The following SCHIP1 variants were observed in gnomAD, a reference collection of about 807,000 sequenced individuals.
The protein encoded by SCHIP1 is schwannomin interacting protein 1, also known as schwannomin-interacting protein 1.
Under a neutral mutation model 29.7 loss-of-function variants are expected in SCHIP1, and 8 were observed. The observed-to-expected ratio is 0.27, with a 90% CI of 0.16 to 0.49. The LOEUF (loss-of-function observed/expected upper bound fraction) is 0.49, where lower values mean the gene tolerates loss of function less well. Among genes scored for constraint, SCHIP1 ranks in the 20% least tolerant of loss-of-function variants. The probability of loss-of-function intolerance (pLI) is 0.99; values close to 1 mark genes in which losing one functional copy is unlikely to be tolerated. For missense variants in SCHIP1, 193 were observed against 294.6 expected (o/e 0.66, Z 2.52); for synonymous variants, 76 against 94.9 (o/e 0.80, Z 1.16).
chr3:159,707,717 C>T, the SCHIP1 span, among the ~76,000 whole-genome samples: 1 of 152,094 alleles, frequency 6.6e-6, no homozygotes. Flanking sequence ...ATTACTCTTG[C>T]CTAGATCAGG....
At chr3:159,275,087 G>A in the SCHIP1 span, 1 of 971,572 alleles carries the variant, frequency 1.0e-6, no homozygotes, top group Non-Finnish European at 1.2e-6. Context: ...AATTTTAGAG[G>A]ATGTAACAAT....
At chr3:159,644,306 T>C in the SCHIP1 span, among the ~76,000 whole-genome samples, 2 of 152,164 alleles carry the variant, frequency 1.3e-5, no homozygotes, top group African/African-American at 4.8e-5. Flanking sequence ...TTAAATTTCA[T>C]TTTGCTTGCT....
At chr3:159,645,935 C>T in the SCHIP1 span, among the ~76,000 whole-genome samples, 1 of 152,100 alleles carries the variant, frequency 6.6e-6, no homozygotes, top group African/African-American at 2.4e-5. Context: ...TTTAAAGATT[C>T]TGTGGAATAT....
At chr3:159,708,024 A>ATCTC in the SCHIP1 span, among the ~76,000 whole-genome samples, 2 of 151,884 alleles carry the variant, frequency 1.3e-5, no homozygotes, top group South Asian at 4.2e-4. Flanking sequence ...TCTTCAAAAT[A>ATCTC]TCTCTGTCTC....
the SCHIP1 span, among the ~76,000 whole-genome samples, chr3:159,718,295 G>A: frequency 6.6e-6 from 1 of 152,078 alleles, no homozygotes; most frequent in East Asian, 1.9e-4. Context: ...GGTAAAAACT[G>A]GAAGCATTCC....
chr3:159,507,761 G>T, the SCHIP1 span, among the ~76,000 whole-genome samples: 10 of 152,148 alleles, frequency 6.6e-5, no homozygotes, highest in Admixed American at 1.3e-4. Context: ...TTATATGCTG[G>T]ATTACGTTTA....
the SCHIP1 span, among the ~76,000 whole-genome samples, chr3:159,649,377 A>G: frequency 2.7e-4 from 41 of 152,338 alleles, no homozygotes; most frequent in Admixed American, 7.8e-4. Flanking sequence ...CAAATTTATA[A>G]TAAACAATGA....
the SCHIP1 span, among the ~76,000 whole-genome samples, chr3:159,356,382 A>G: frequency 4.6e-5 from 7 of 152,166 alleles, no homozygotes; most frequent in Admixed American, 4.6e-4. Context: ...GAGACCATAT[A>G]TTTCCTCAGA....
At chr3:159,373,849 C>T in the SCHIP1 span, among the ~76,000 whole-genome samples, 1 of 152,122 alleles carries the variant, frequency 6.6e-6, no homozygotes, top group Non-Finnish European at 1.5e-5. Context: ...AGGTTGACTT[C>T]ATAACTTGGC....
the SCHIP1 span, among the ~76,000 whole-genome samples, chr3:159,417,372 C>T: frequency 1.5e-3 from 227 of 152,158 alleles, no homozygotes; most frequent in African/African-American, 5.1e-3. Context: ...TCTGATACAC[C>T]GATAGAAAAG....
the SCHIP1 span, among the ~76,000 whole-genome samples, chr3:159,491,098 G>C: frequency 6.6e-6 from 1 of 152,126 alleles, no homozygotes; most frequent in African/African-American, 2.4e-5. Context: ...AGCTTCAGCT[G>C]CCACACATTC....
chr3:159,790,099 A>G, the SCHIP1 span, among the ~76,000 whole-genome samples: 2 of 152,226 alleles, frequency 1.3e-5, no homozygotes, highest in African/African-American at 2.4e-5. Flanking sequence ...GACAGGGGCA[A>G]CTTTGGAGGA....
intron 1 of SCHIP1, among the ~76,000 whole-genome samples, chr3:159,843,410 C>A (rs1011342611): frequency 6.6e-6 from 1 of 152,146 alleles, no homozygotes; most frequent in South Asian, 2.1e-4. Context: ...GGCTCCCTCA[C>A]TCACTTCATG....
chr3:159,413,994 C>T, the SCHIP1 span, among the ~76,000 whole-genome samples: 2 of 152,166 alleles, frequency 1.3e-5, no homozygotes, highest in Non-Finnish European at 2.9e-5. Context: ...GAAAGCTACA[C>T]CAGAAAGACT....
the SCHIP1 span, among the ~76,000 whole-genome samples, chr3:159,606,703 G>C: frequency 6.6e-6 from 1 of 152,128 alleles, no homozygotes; most frequent in Non-Finnish European, 1.5e-5. Context: ...CAGGAGAGTT[G>C]AAACGACCAG....
the SCHIP1 span, among the ~76,000 whole-genome samples, chr3:159,694,574 A>C: frequency 6.6e-6 from 1 of 151,210 alleles, no homozygotes; most frequent in South Asian, 2.1e-4. Context: ...GAAAGAAAGA[A>C]AGAAAGAAAG....
chr3:159,401,364 G>A, the SCHIP1 span: 1 of 971,610 alleles, frequency 1.0e-6, no homozygotes, highest in Non-Finnish European at 1.2e-6. Context: ...TAGTTCTAAT[G>A]TAAACAAGGT....
the SCHIP1 span, among the ~76,000 whole-genome samples, chr3:159,681,409 CTT>C: frequency 1.3e-5 from 2 of 151,986 alleles, no homozygotes; most frequent in Non-Finnish European, 2.9e-5. Flanking sequence ...TCTTTAAAGT[CTT>C]TGCTGAGACT....
chr3:159,783,373 C>T, the SCHIP1 span, among the ~76,000 whole-genome samples: 10 of 152,262 alleles, frequency 6.6e-5, no homozygotes, highest in South Asian at 2.1e-3. Context: ...GCTGCCCAGC[C>T]CCAGGCAAGA....
Sources: gnomAD v4.1 joint callset for allele counts (sites outside exome capture counted in the v4.1 genomes callset) on GRCh38, gnomAD v4.1.1 for gene constraint, MANE v1.5 for transcripts, NCBI Gene and HGNC (gene_info 2026-07-23, HGNC 2026-07-21) for gene names.